The following CLASP1 variants were observed in gnomAD, a reference collection of about 807,000 sequenced individuals.
The protein encoded by CLASP1 is CLIP-associating protein 1.
A neutral mutation model predicts 192.3 loss-of-function variants in CLASP1; 38 were observed. The observed-to-expected ratio is 0.20, with a 90% confidence interval of 0.15 to 0.26. The LOEUF is 0.26. Among genes scored for constraint, CLASP1 ranks in the 10% least tolerant of loss-of-function variants. The pLI is 1.00. For synonymous variants in CLASP1, 691 were observed against 712.8 expected (o/e 0.97, Z 0.49); for missense variants, 1,433 against 1,932.5 (o/e 0.74, Z 4.85).
rs542214612 is a variant in CLASP1, at chr2:121,490,127, C to T, written c.712+13040G>A. ...CTGTAGGTTTCACAATTTTTCACTG[C>T]TTAAATACCAACAACATTCATAACA... On this transcript the variant is annotated intron_variant, in intron 8 of 39. Transcript: ENST00000263710. The T allele has an allele frequency of 5.7e-4, 183 of 323,178 alleles. 1 individual carries two copies. The highest frequency in any genetic ancestry group is 4.4e-3 in the South Asian group (179 of 40,630). 20.0% of individuals were successfully genotyped at this position (323,178 alleles called of 1,614,324 possible).
chr2:121,370,036 A>C (rs2068275125), intron 34 of CLASP1, among the ~76,000 whole-genome samples: 1 of 152,178 alleles, frequency 6.6e-6, no homozygotes, highest in African/African-American at 2.4e-5. Flanking sequence ...GCAGAAGAGA[A>C]CCTTGATATA....
At chr2:121,451,072 C>G in intron 15 of CLASP1, 82 bp from the exon 16 acceptor site, 1 of 942,720 alleles carries the variant, frequency 1.1e-6, no homozygotes, top group East Asian at 2.4e-5. Context: ...AAATAACTTC[C>G]AAATGGCAAC....
exon 23 of CLASP1, chr2:121,418,650 T>C: frequency 6.2e-7 from 1 of 1,613,794 alleles, no homozygotes; most frequent in Non-Finnish European, 8.5e-7. Context: ...GAGCAGGGCT[T>C]GTATCTCGGC....
chr2:121,398,722 TCTGGATATTG>T (rs1468033071), intron 28 of CLASP1, among the ~76,000 whole-genome samples: 1 of 152,216 alleles, frequency 6.6e-6, no homozygotes, highest in Non-Finnish European at 1.5e-5. Flanking sequence ...CAGCTACCTT[TCTGGATATTG>T]CTTAAACATA....
Position 121,606,084 on chromosome 2 carries a change from A to C in CLASP1, c.-189T>G, listed in dbSNP as rs1158363842. Reference sequence around the variant, plus strand: ...TGAAGAGCAGCTGGTAGGATATTAAAAGTCCAATTTAAATAACTAGTAGGA... The same window carrying C: ...TGAAGAGCAGCTGGTAGGATATTAACAGTCCAATTTAAATAACTAGTAGGA... On this transcript the variant is annotated 5_prime_UTR_variant, in exon 2 of 40. Coordinates refer to ENST00000263710, the Ensembl canonical transcript of CLASP1. 5.1e-6 allele frequency: 3 copies of C among 585,464 alleles called. No individual in the cohort carries two copies. In the African/African-American group the frequency reaches 5.6e-5, roughly 11 times the overall value. The allele number at this position is 585,464 out of a possible 1,614,324, so 36.3% of individuals were successfully genotyped here.
chr2:121,519,418 C>T (rs1358679989), intron 6 of CLASP1, among the ~76,000 whole-genome samples: 2 of 152,192 alleles, frequency 1.3e-5, no homozygotes, highest in South Asian at 2.1e-4. Context: ...ATAAGGTGCT[C>T]AGGCAGATGG....
In CLASP1 at chr2:121,427,396, T is replaced by C; in HGVS notation, c.2044+8A>G. On this transcript the variant is annotated splice_region_variant and intron_variant, in intron 21 of 39. Coordinates refer to ENST00000263710, the Ensembl canonical transcript of CLASP1. Reference sequence around the variant, plus strand: ...CAACAAAAAAAGGCAAGAAGAGAAATGGCTTACCACCAGCAGGATTAGCAG... The same window carrying C: ...CAACAAAAAAAGGCAAGAAGAGAAACGGCTTACCACCAGCAGGATTAGCAG... 1.2e-6 allele frequency: 2 copies of C among 1,612,322 alleles called. No individual in the cohort carries two copies. The highest frequency in any genetic ancestry group is 1.7e-6 in the Non-Finnish European group (2 of 1,179,340).
At chr2:121,432,508 A>G (rs949563581) in intron 19 of CLASP1, among the ~76,000 whole-genome samples, 1 of 152,200 alleles carries the variant, frequency 6.6e-6, no homozygotes, top group African/African-American at 2.4e-5. Context: ...TTCCATATGT[A>G]TGTGCAGACA....
At chr2:121,405,797 AG>A (rs962477483) in intron 25 of CLASP1, among the ~76,000 whole-genome samples, 19 of 152,228 alleles carry the variant, frequency 1.2e-4, no homozygotes, top group African/African-American at 4.1e-4. Context: ...AAAGTGTCAC[AG>A]GATGCCTGCG....
At chr2:121,375,661 T>C (rs1420952054) in intron 34 of CLASP1, among the ~76,000 whole-genome samples, 3 of 152,148 alleles carry the variant, frequency 2.0e-5, no homozygotes, top group Non-Finnish European at 2.9e-5. Context: ...CGCACCTAGC[T>C]GGTAGTTCTT....
chr2:121,629,277 C>G (rs1007164259), intron 1 of CLASP1, among the ~76,000 whole-genome samples: 2 of 151,510 alleles, frequency 1.3e-5, no homozygotes, highest in Non-Finnish European at 2.9e-5. Flanking sequence ...GCAGTCCCAG[C>G]TACTTGGGAG....
chr2:121,611,502 AGAG>A lies in CLASP1; in HGVS notation c.-285-5325_-285-5323del, dbSNP rs534782217. Reference sequence around the variant, plus strand: ...AGGCGTTGGAGGAGTTACAGGAAGAAGAGGAACTGGAGGAGGAGGAGTTGGAGG... The same window carrying A: ...AGGCGTTGGAGGAGTTACAGGAAGAAGAACTGGAGGAGGAGGAGTTGGAGG... On this transcript the variant is annotated intron_variant, in intron 1 of 39. Coordinates refer to ENST00000263710, the Ensembl canonical transcript of CLASP1. 4.2e-3 allele frequency among the ~76,000 whole-genome samples: 574 copies of A among 135,728 alleles called. 5 individuals carry two copies. The highest frequency in any genetic ancestry group is 5.9e-3 in the Non-Finnish European group (378 of 63,686). 89.0% of individuals were successfully genotyped at this position (135,728 alleles called of 152,430 possible).
intron 8 of CLASP1, among the ~76,000 whole-genome samples, chr2:121,492,453 A>T (rs2093358858): frequency 6.6e-6 from 1 of 151,760 alleles, no homozygotes; most frequent in Non-Finnish European, 1.5e-5. Flanking sequence ...AAAATTTACA[A>T]ATCGTATCTG....
chr2:121,606,653 C>T (rs985037786), intron 1 of CLASP1, among the ~76,000 whole-genome samples: 1 of 152,148 alleles, frequency 6.6e-6, no homozygotes, highest in Non-Finnish European at 1.5e-5. Context: ...AAGTGGCTGG[C>T]TTGGTCACAT....
Position 121,582,463 on chromosome 2 carries a change from AGATACATGTTTTTG to A in CLASP1, c.195+23224_195+23237del, listed in dbSNP as rs144721093. Among the ~76,000 whole-genome samples, 119 of 151,376 alleles carry A rather than the reference AGATACATGTTTTTG, an allele frequency of 7.9e-4. No individual in the cohort carries two copies. In the East Asian group the frequency reaches 0.021, roughly 27 times the overall value. ...GGGAAGGAGGAAGAGAGAGAAAGAA[AGATACATGTTTTTG>A]GAAGGAAGGAAAGAAGGGAGGGAGA... On this transcript the variant is annotated intron_variant, in intron 2 of 39. Transcript: ENST00000263710.
intron 1 of CLASP1, among the ~76,000 whole-genome samples, chr2:121,630,601 C>T (rs145162014): frequency 4.1e-4 from 63 of 151,882 alleles, no homozygotes; most frequent in Middle Eastern, 3.4e-3. Context: ...TGGTGGCTCA[C>T]GCCTATAATC....
intron 2 of CLASP1, among the ~76,000 whole-genome samples, chr2:121,549,487 T>C (rs549122967): frequency 2.8e-4 from 42 of 152,128 alleles, no homozygotes; most frequent in Admixed American, 7.2e-4. Context: ...CACAAAATAA[T>C]ACTGGGAGAT....
Position 121,377,487 on chromosome 2 carries a change from A to G in CLASP1, c.3642+12T>C. 6.3e-7 allele frequency: 1 copy of G among 1,594,904 alleles called. No homozygotes were observed. Among genetic ancestry groups the G allele is most frequent in the Non-Finnish European group, 8.6e-7 (1 of 1,168,404 alleles). On this transcript the variant is annotated intron_variant, in intron 34 of 39. Coordinates refer to ENST00000263710, the Ensembl canonical transcript of CLASP1. Reference sequence around the variant, plus strand: ...CTCATACAGAGTTCTCTTTTAGCCTAGGGATACTTACAATATCACACTCCT... The same window carrying G: ...CTCATACAGAGTTCTCTTTTAGCCTGGGGATACTTACAATATCACACTCCT...
chr2:121,586,177 G>A lies in CLASP1; in HGVS notation c.195+19524C>T, dbSNP rs191298229. Among the ~76,000 whole-genome samples the A allele has an allele frequency of 7.3e-4, 111 of 152,208 alleles. 1 individual carries two copies. Among genetic ancestry groups the A allele is most frequent in the African/African-American group, 2.5e-3 (102 of 41,532 alleles). ...TAGTCTCCTTCTGTCATCCAGGCTG[G>A]AATGCAGTGGCATGATCTCGGCTCA... On this transcript the variant is annotated intron_variant, in intron 2 of 39. Coordinates refer to ENST00000263710, the Ensembl canonical transcript of CLASP1.
Sources: allele counts gnomAD v4.1 joint callset (sites outside exome capture counted in the v4.1 genomes callset), GRCh38; gene constraint gnomAD v4.1.1; transcripts MANE v1.5; gene names NCBI Gene and HGNC (gene_info 2026-07-23, HGNC 2026-07-21).